FGF13: variants seen among roughly 807,000 people sequenced by gnomAD.
The protein encoded by FGF13 is fibroblast growth factor homologous factor 2.
In FGF13, 2 loss-of-function variants were observed where a neutral mutation model predicts 19.5. The observed-to-expected ratio is 0.10, with a 90% CI of 0.04 to 0.32. FGF13 has a LOEUF of 0.32. Among genes scored for constraint, FGF13 ranks in the 10% least tolerant of loss-of-function variants. The pLI, the probability that FGF13 is intolerant of heterozygous loss-of-function variation, is 1.00. For missense variants in FGF13, 113 were observed against 192.7 expected (o/e 0.59, Z 2.45); for synonymous variants, 72 against 76.9 (o/e 0.94, Z 0.33).
upstream of FGF13, among the ~76,000 whole-genome samples, chrX:138,744,162 C>A (rs2090339658): frequency 9.0e-6 from 1 of 111,380 alleles, no homozygotes; most frequent in Non-Finnish European, 1.9e-5. Flanking sequence ...ATGTACTGTG[C>A]TTCCTTTCAT....
intron 1 of FGF13, among the ~76,000 whole-genome samples, chrX:139,189,745 T>C (rs749757428): frequency 8.0e-5 from 9 of 112,163 alleles, no homozygotes; most frequent in African/African-American, 2.9e-4. Flanking sequence ...TTCTGAAGAC[T>C]GGTTGCACAA....
At chrX:139,121,092 C>T (rs946554312) in intron 1 of FGF13, among the ~76,000 whole-genome samples, 2 of 112,062 alleles carry the variant, frequency 1.8e-5, no homozygotes, top group Non-Finnish European at 3.8e-5. Context: ...TTGTTGTTTA[C>T]ATTTCCCCTA....
exon 1 of FGF13, chrX:138,739,250 G>A (rs754907218): frequency 1.1e-5 from 12 of 1,134,941 alleles, no homozygotes; most frequent in Non-Finnish European, 1.4e-5. Context: ...ACCTGAATAC[G>A]ACTTCCTTAA....
In FGF13 at chrX:138,766,498, T is replaced by G. The variant is rs933315606; in HGVS notation, c.218-57570A>C. 4.2e-4 allele frequency among the ~76,000 whole-genome samples: 47 copies of G among 112,185 alleles called. 1 individual carries two copies. Among genetic ancestry groups the G allele is most frequent in the African/African-American group, 1.5e-3 (46 of 30,851 alleles). On this transcript the variant is annotated intron_variant, in intron 3 of 6. Coordinates refer to the FGF13 transcript ENST00000436198. ...TGACATGATTTCAGTGCAAACCCAT[T>G]TCTCTTTGCTATTGCTAGTCAGAAT...
intron 1 of FGF13, chrX:138,985,137 T>C: frequency 1.5e-5 from 5 of 340,902 alleles, no homozygotes; most frequent in South Asian, 8.1e-5. Context: ...ATTAGGCCTA[T>C]GTGGAAGGAA....
intron 3 of FGF13, among the ~76,000 whole-genome samples, chrX:138,815,367 CAT>C (rs1157443280): frequency 9.0e-6 from 1 of 111,039 alleles, no homozygotes; most frequent in Non-Finnish European, 1.9e-5. Flanking sequence ...TAAGGTAATA[CAT>C]ATGTTAATTA....
At chrX:138,762,913 A>G (rs2090477514) in intron 3 of FGF13, among the ~76,000 whole-genome samples, 1 of 111,570 alleles carries the variant, frequency 9.0e-6, no homozygotes, top group South Asian at 3.7e-4. Flanking sequence ...GGAATGCTGG[A>G]TCTCAGGTCC....
intron 1 of FGF13, among the ~76,000 whole-genome samples, chrX:139,039,916 C>G (rs2092263578): frequency 9.0e-6 from 1 of 111,573 alleles, no homozygotes; most frequent in African/African-American, 3.3e-5. Context: ...TGAGACGTGT[C>G]AGAAGACTAG....
intron 2 of FGF13, among the ~76,000 whole-genome samples, chrX:138,704,463 TTTA>T (rs1289916306): frequency 1.8e-5 from 2 of 112,793 alleles, no homozygotes; most frequent in African/African-American, 3.2e-5. Context: ...GTTTTGTAAG[TTTA>T]TTGAGGATAA....
intron 1 of FGF13, among the ~76,000 whole-genome samples, chrX:139,077,746 A>T (rs1158585188): frequency 8.9e-6 from 1 of 112,068 alleles, no homozygotes; most frequent in African/African-American, 3.2e-5. Context: ...GCCACATAAG[A>T]GTGAATCATA....
intron 1 of FGF13, among the ~76,000 whole-genome samples, chrX:138,882,736 T>C (rs2091433613): frequency 8.9e-6 from 1 of 111,833 alleles, no homozygotes; most frequent in Non-Finnish European, 1.9e-5. Context: ...TCCCAAACTT[T>C]CTTCAACAGC....
At chrX:139,036,096 T>A (rs2092249586) in intron 1 of FGF13, among the ~76,000 whole-genome samples, 1 of 112,071 alleles carries the variant, frequency 8.9e-6, no homozygotes, top group African/African-American at 3.2e-5. Flanking sequence ...ACCTGACCTA[T>A]GACATAGGGG....
chrX:139,146,830 G>A (rs1033871306), intron 1 of FGF13, among the ~76,000 whole-genome samples: 1 of 110,889 alleles, frequency 9.0e-6, no homozygotes, highest in Non-Finnish European at 1.9e-5. Flanking sequence ...GGACATGGAT[G>A]AAGCTGGAAA....
intron 1 of FGF13, among the ~76,000 whole-genome samples, chrX:139,023,610 G>C (rs1433368443): frequency 3.6e-5 from 4 of 111,406 alleles, no homozygotes; most frequent in African/African-American, 1.3e-4. Flanking sequence ...ATACCAGGGT[G>C]ATTCATAATT....
At chrX:138,816,082 T>G (rs188088081) in intron 3 of FGF13, among the ~76,000 whole-genome samples, 164 of 111,400 alleles carry the variant, frequency 1.5e-3, no homozygotes, top group African/African-American at 4.3e-3. Context: ...GAGGAATAAT[T>G]GAAACACATA....
intron 1 of FGF13, among the ~76,000 whole-genome samples, chrX:138,900,779 T>C (rs1489684214): frequency 9.0e-6 from 1 of 111,622 alleles, no homozygotes; most frequent in East Asian, 2.8e-4. Flanking sequence ...ACATTACCCC[T>C]GGCCACTTCC....
intron 1 of FGF13, among the ~76,000 whole-genome samples, chrX:139,158,993 C>T (rs1210389345): frequency 9.0e-6 from 1 of 111,452 alleles, no homozygotes; most frequent in Admixed American, 9.5e-5. Flanking sequence ...TAAAGATACT[C>T]CTCGAGAAGA....
chrX:138,815,169 T>G (rs949748254), intron 3 of FGF13, among the ~76,000 whole-genome samples: 1 of 110,453 alleles, frequency 9.1e-6, no homozygotes, highest in African/African-American at 3.3e-5. Context: ...AGTAGAATGC[T>G]GGTTGCCAGG....
intron 1 of FGF13, among the ~76,000 whole-genome samples, chrX:139,007,504 T>C (rs1449449575): frequency 8.9e-6 from 1 of 112,428 alleles, no homozygotes; most frequent in Non-Finnish European, 1.9e-5. Flanking sequence ...ATGGGCCTAA[T>C]AGATATTTAC....
Sources: allele counts gnomAD v4.1 joint callset (sites outside exome capture counted in the v4.1 genomes callset), GRCh38; gene constraint gnomAD v4.1.1; transcripts MANE v1.5; gene names NCBI Gene and HGNC (gene_info 2026-07-23, HGNC 2026-07-21).